The following DPH6 variants were observed in gnomAD, a reference collection of about 807,000 sequenced individuals.
DPH6 encodes diphthamine biosynthesis 6.
DPH6 carries 33 observed loss-of-function variants against 38.2 expected under a neutral mutation model. The ratio of observed to expected loss-of-function variants is 0.86; its 90% CI spans 0.65 to 1.15. The LOEUF (loss-of-function observed/expected upper bound fraction) is 1.15, where lower values mean the gene tolerates loss of function less well. Ranked by LOEUF, DPH6 falls within the 50% of genes most tolerant of loss-of-function variation. The pLI, the probability that DPH6 is intolerant of heterozygous loss-of-function variation, is 0.00. For missense variants in DPH6, 325 were observed against 320.0 expected, an observed-to-expected ratio of 1.02 and a Z score of -0.12; for synonymous variants, 108 against 103.0, an observed-to-expected ratio of 1.05 and a Z score of -0.30.
chr15:35,445,003 C>T (rs959150489), intron 5 of DPH6, among the ~76,000 whole-genome samples: 2 of 152,092 alleles, frequency 1.3e-5, no homozygotes, highest in African/African-American at 4.8e-5. Flanking sequence ...AAATAGTTTG[C>T]ACACATACAA....
chr15:35,322,349 A>G lies in DPH6; in HGVS notation n.200+51172T>C, dbSNP rs149405501. ...GGGAGGGTTAGATTAGGGAGGGACT[A>G]TTGTTATAATTGCTTTAAACTATAA... On this transcript the variant is annotated intron_variant and non_coding_transcript_variant, in intron 3 of 3. Coordinates refer to the DPH6 transcript ENST00000560386. Among the ~76,000 whole-genome samples the G allele has an allele frequency of 6.7e-4, 102 of 152,290 alleles. 1 individual carries two copies. Among genetic ancestry groups the G allele is most frequent in the African/African-American group, 2.2e-3 (93 of 41,572 alleles).
chr15:35,403,355 A>ATT (rs1350639604), intron 6 of DPH6, among the ~76,000 whole-genome samples: 5 of 151,896 alleles, frequency 3.3e-5, no homozygotes, highest in Non-Finnish European at 7.4e-5. Flanking sequence ...ATATATATAT[A>ATT]TATGGAGTAT....
rs143646741 is a variant in DPH6, at chr15:35,435,044, A to T, written c.505+15641T>A. Among the ~76,000 whole-genome samples, 5 of 151,850 alleles carry T rather than the reference A, an allele frequency of 3.3e-5. No homozygotes were observed. In the East Asian group the frequency reaches 9.7e-4, roughly 29 times the overall value. ...CCACCTGAGCCTCCCAAAGAACTGG[A>T]ATTACAGGTGTGAGCCACTATGCCT... On this transcript the variant is annotated intron_variant, in intron 5 of 8. Transcript: ENST00000256538.
At chr15:35,540,036 T>C (rs1031244176) in intron 2 of DPH6, among the ~76,000 whole-genome samples, 1 of 152,128 alleles carries the variant, frequency 6.6e-6, no homozygotes, top group Non-Finnish European at 1.5e-5. Flanking sequence ...TTAAAGGATA[T>C]TGATACAATC....
intron 4 of DPH6, among the ~76,000 whole-genome samples, chr15:35,454,025 T>C (rs143620953): frequency 2.9e-4 from 44 of 152,222 alleles, no homozygotes; most frequent in African/African-American, 9.1e-4. Flanking sequence ...AGAATCTCTA[T>C]AAAATATTAT....
Position 35,490,224 on chromosome 15 carries a change from G to T in DPH6, c.313-35404C>A, listed in dbSNP as rs556959400. On this transcript the variant is annotated intron_variant, in intron 3 of 8. Coordinates refer to ENST00000256538, the MANE Select transcript of DPH6 (RefSeq NM_080650.4). The stretch of plus-strand genomic sequence containing the variant: ...TAAAGGAAGAAAGGAAGGAAGGAAA[G>T]AAAAAAAGAAAAACAAATAAGAAGA... 3.1e-6 allele frequency: 3 copies of T among 980,544 alleles called. No homozygotes were observed. In the African/African-American group the frequency reaches 5.2e-5, roughly 17 times the overall value. The allele number at this position is 980,544 out of a possible 1,614,324, so 60.7% of individuals were successfully genotyped here. A position where few individuals can be genotyped will look rare whatever the true frequency, so the allele number is the denominator to read the frequency against.
intron 5 of DPH6, among the ~76,000 whole-genome samples, chr15:35,422,125 A>G (rs2053513579): frequency 6.6e-6 from 1 of 151,110 alleles, no homozygotes; most frequent in South Asian, 2.1e-4. Context: ...AAATATATAT[A>G]TATATAAACC....
chr15:35,498,514 C>T (rs2054585475), intron 3 of DPH6, among the ~76,000 whole-genome samples: 1 of 152,138 alleles, frequency 6.6e-6, no homozygotes, highest in Admixed American at 6.6e-5. Context: ...GATTCTTCCA[C>T]TTCTTCCCCT....
At chr15:35,447,941 A>T (rs1467144711) in intron 5 of DPH6, among the ~76,000 whole-genome samples, 1 of 152,224 alleles carries the variant, frequency 6.6e-6, no homozygotes, top group Non-Finnish European at 1.5e-5. Flanking sequence ...CAATGTTACT[A>T]CACCATCATT....
At chr15:35,485,966 C>T (rs2054392582) in intron 3 of DPH6, among the ~76,000 whole-genome samples, 1 of 152,142 alleles carries the variant, frequency 6.6e-6, no homozygotes. Context: ...TTGTATTAGT[C>T]CATTTTCACA....
At chr15:35,366,590 T>C (rs1362893708), downstream of DPH6, among the ~76,000 whole-genome samples, 2 of 151,958 alleles carry the variant, frequency 1.3e-5, no homozygotes, top group Non-Finnish European at 2.9e-5. Flanking sequence ...TCCTGCTCCC[T>C]TCCCCAAAGA....
intron 3 of DPH6, among the ~76,000 whole-genome samples, chr15:35,518,219 C>T (rs1205806911): frequency 6.6e-6 from 1 of 152,018 alleles, no homozygotes; most frequent in Admixed American, 6.6e-5. Flanking sequence ...CACACACGTA[C>T]ATAAACTGTA....
At chr15:35,478,366 TACAC>T (rs66521447) in intron 3 of DPH6, among the ~76,000 whole-genome samples, 79,116 of 141,916 alleles carry the variant, frequency 0.56, 23,817 homozygotes, top group South Asian at 0.68. Context: ...TACCCACACA[TACAC>T]ACACACACAC....
the DPH6 span, among the ~76,000 whole-genome samples, chr15:35,187,419 G>T: frequency 0.01 from 1,590 of 152,200 alleles, 35 homozygotes; most frequent in African/African-American, 0.037. Flanking sequence ...TAGCTGAATG[G>T]ATTAATATAA....
intron 6 of DPH6, among the ~76,000 whole-genome samples, chr15:35,382,792 C>T (rs1395763368): frequency 1.3e-5 from 2 of 151,100 alleles, no homozygotes; most frequent in Non-Finnish European, 2.9e-5. Context: ...TAAGAAGGTC[C>T]AACTTCAAGA....
At chr15:35,464,248 C>G (rs903160900) in intron 3 of DPH6, among the ~76,000 whole-genome samples, 1 of 150,356 alleles carries the variant, frequency 6.7e-6, no homozygotes, top group Non-Finnish European at 1.5e-5. Context: ...GAGCCGAGAT[C>G]GTGCTACAGT....
chr15:35,179,486 T>C, the DPH6 span, among the ~76,000 whole-genome samples: 1 of 152,116 alleles, frequency 6.6e-6, no homozygotes, highest in Admixed American at 6.5e-5. Flanking sequence ...ACTATAAAAA[T>C]CTATGTTTTC....
intron 3 of DPH6, among the ~76,000 whole-genome samples, chr15:35,349,194 A>G (rs770542739): frequency 1.3e-5 from 2 of 152,140 alleles, no homozygotes; most frequent in Non-Finnish European, 2.9e-5. Flanking sequence ...ACTACGTTGA[A>G]TAGAAGTGGT....
At chr15:35,246,895 T>A (rs1421434408) in intron 3 of DPH6, among the ~76,000 whole-genome samples, 1 of 152,214 alleles carries the variant, frequency 6.6e-6, no homozygotes, top group Non-Finnish European at 1.5e-5. Context: ...ACCTAGATTT[T>A]ATGGCTGTGT....
Sources: gnomAD v4.1 joint callset for allele counts (sites outside exome capture counted in the v4.1 genomes callset) on GRCh38, gnomAD v4.1.1 for gene constraint, MANE v1.5 for transcripts, NCBI Gene and HGNC (gene_info 2026-07-23, HGNC 2026-07-21) for gene names.